ERICH1: variants seen among roughly 807,000 people sequenced by gnomAD.
The protein encoded by ERICH1 is glutamate-rich protein 1.
A neutral mutation model predicts 39.6 loss-of-function variants in ERICH1; 56 were observed. That is an observed-to-expected ratio of 1.41 (90% CI 1.14 to 1.77). The LOEUF is 1.77. ERICH1 is among the 40% of genes most tolerant of loss of function. ERICH1 has a pLI of 0.00. For synonymous variants in ERICH1, 313 were observed against 223.6 expected, an observed-to-expected ratio of 1.40 and a Z score of -3.57; for missense variants, 826 against 575.4, an observed-to-expected ratio of 1.44 and a Z score of -4.45.
chr8:730,869 C>T (rs987591405), intron 1 of ERICH1, among the ~76,000 whole-genome samples: 2 of 152,212 alleles, frequency 1.3e-5, no homozygotes, highest in Admixed American at 1.3e-4. Flanking sequence ...CCTGGCTGGG[C>T]TCGCCTCCGC....
At chr8:700,629 C>T (rs565112053) in intron 2 of ERICH1, among the ~76,000 whole-genome samples, 34 of 152,330 alleles carry the variant, frequency 2.2e-4, no homozygotes, top group African/African-American at 7.7e-4. Flanking sequence ...CACTATCCAG[C>T]TTCCAAGCTA....
At chr8:700,173 CCG>C (rs1811598926) in intron 2 of ERICH1, among the ~76,000 whole-genome samples, 4 of 68,450 alleles carry the variant, frequency 5.8e-5, no homozygotes, top group Admixed American at 1.9e-4. Context: ...GCGCACAGGC[CCG>C]CACAGGCCCG....
intron 3 of ERICH1, among the ~76,000 whole-genome samples, chr8:683,240 G>A (rs1806539087): frequency 6.6e-6 from 1 of 152,172 alleles, no homozygotes; most frequent in Non-Finnish European, 1.5e-5. Flanking sequence ...TTGCCATGTA[G>A]AAGACCTGCC....
chr8:632,816 G>A (rs1421081355), intron 3 of ERICH1, among the ~76,000 whole-genome samples: 1 of 152,204 alleles, frequency 6.6e-6, no homozygotes, highest in Non-Finnish European at 1.5e-5. Flanking sequence ...TTGGCAATGT[G>A]TGGAGTCATT....
intron 3 of ERICH1, among the ~76,000 whole-genome samples, chr8:651,008 C>G (rs1359925664): frequency 6.6e-6 from 1 of 152,222 alleles, no homozygotes; most frequent in Non-Finnish European, 1.5e-5. Context: ...ACCCCTCGTT[C>G]GTCCACGATA....
At chr8:695,578 C>A (rs1810006482) in intron 2 of ERICH1, among the ~76,000 whole-genome samples, 1 of 59,486 alleles carries the variant, frequency 1.7e-5, no homozygotes, top group Non-Finnish European at 3.4e-5. Context: ...CAGCCTGCGC[C>A]TGTGCTGGCT....
intron 2 of ERICH1, 29 bp from the exon 3 acceptor site, chr8:692,641 C>G: frequency 8.4e-6 from 13 of 1,548,736 alleles, no homozygotes; most frequent in South Asian, 2.4e-5. Flanking sequence ...ATAACAGGAA[C>G]TGGTAAATAT....
chr8:718,526 G>A (rs974715948), intron 1 of ERICH1, among the ~76,000 whole-genome samples: 3 of 152,096 alleles, frequency 2.0e-5, no homozygotes, highest in Admixed American at 6.5e-5. Context: ...AGTACATTTC[G>A]AATCTTTATA....
intron 3 of ERICH1, among the ~76,000 whole-genome samples, chr8:618,261 A>G (rs1432984122): frequency 1.5e-4 from 21 of 135,604 alleles, no homozygotes; most frequent in South Asian, 2.5e-4. Flanking sequence ...CATCCTCACT[A>G]CCCTCTGAGT....
intron 1 of ERICH1, among the ~76,000 whole-genome samples, chr8:729,017 T>C (rs1414459236): frequency 6.6e-6 from 1 of 150,936 alleles, no homozygotes; most frequent in African/African-American, 2.4e-5. Flanking sequence ...CAGGGGAGAG[T>C]ATGGGCCCCT....
In ERICH1 at chr8:648,979, T is replaced by G; in HGVS notation, c.976+19619A>C. Among the ~76,000 whole-genome samples, 2 of 69,368 alleles carry G rather than the reference T, an allele frequency of 2.9e-5. 1 individual carries two copies. Among genetic ancestry groups the G allele is most frequent in the East Asian group, 5.9e-4 (2 of 3,376 alleles). 45.5% of individuals were successfully genotyped at this position (69,368 alleles called of 152,430 possible). On this transcript the variant is annotated intron_variant, in intron 3 of 3. Coordinates refer to the ERICH1 transcript ENST00000522706. ...TGTAATCTCTTTGCATATTTTTAAG[T>G]GGATTAGTTCCAGTGGGTGTGTTCA...
intron 2 of ERICH1, among the ~76,000 whole-genome samples, chr8:713,450 C>G (rs1212001370): frequency 6.6e-6 from 1 of 152,162 alleles, no homozygotes; most frequent in Non-Finnish European, 1.5e-5. Flanking sequence ...TAGAAAAGAA[C>G]ATGGAATACA....
At chr8:655,015 T>C (rs568439931) in intron 3 of ERICH1, among the ~76,000 whole-genome samples, 3 of 152,272 alleles carry the variant, frequency 2.0e-5, no homozygotes, top group Admixed American at 6.5e-5. Context: ...TAATTATCTT[T>C]AGTAACAAAT....
chr8:662,067 C>G (rs544387157), downstream of ERICH1, among the ~76,000 whole-genome samples: 2 of 152,288 alleles, frequency 1.3e-5, no homozygotes, highest in South Asian at 4.1e-4. Flanking sequence ...ACATGACCCA[C>G]CAGCCCTGCA....
At chr8:636,478 T>C (rs917872348) in intron 3 of ERICH1, among the ~76,000 whole-genome samples, 1 of 152,250 alleles carries the variant, frequency 6.6e-6, no homozygotes, top group African/African-American at 2.4e-5. Flanking sequence ...CTCCCGACTT[T>C]AGCTCAGAAT....
At chr8:629,260 C>A (rs1322029086) in intron 3 of ERICH1, among the ~76,000 whole-genome samples, 3 of 152,132 alleles carry the variant, frequency 2.0e-5, no homozygotes, top group East Asian at 1.9e-4. Context: ...GCAGGTGGAA[C>A]ACACAGATGA....
chr8:699,022 G>C (rs1285661341), intron 2 of ERICH1, among the ~76,000 whole-genome samples: 1 of 151,662 alleles, frequency 6.6e-6, no homozygotes, highest in East Asian at 1.9e-4. Flanking sequence ...GGGAGGCTCA[G>C]TGGAGCCCAG....
At chr8:689,036 T>C (rs1009177818) in intron 3 of ERICH1, among the ~76,000 whole-genome samples, 2 of 152,196 alleles carry the variant, frequency 1.3e-5, no homozygotes, top group Admixed American at 1.3e-4. Context: ...AAGATGAATA[T>C]GAAAAGTGAA....
chr8:700,842 T>C (rs1811949582), intron 2 of ERICH1, among the ~76,000 whole-genome samples: 1 of 152,208 alleles, frequency 6.6e-6, no homozygotes, highest in Non-Finnish European at 1.5e-5. Flanking sequence ...AGATGGCAGA[T>C]AAGAGGAAAA....
Sources: gnomAD v4.1 joint callset for allele counts (sites outside exome capture counted in the v4.1 genomes callset) on GRCh38, gnomAD v4.1.1 for gene constraint, MANE v1.5 for transcripts, NCBI Gene and HGNC (gene_info 2026-07-23, HGNC 2026-07-21) for gene names.